CNTNAP2: variants seen among roughly 807,000 people sequenced by gnomAD.
CNTNAP2 encodes contactin-associated protein-like 2.
A neutral mutation model predicts 155.2 loss-of-function variants in CNTNAP2; 98 were observed. The observed-to-expected ratio is 0.63, with a 90% CI of 0.54 to 0.75. The LOEUF is 0.75. CNTNAP2 is among the 30% of genes least tolerant of loss of function. The probability of loss-of-function intolerance (pLI) is 0.00; values close to 1 mark genes in which losing one functional copy is unlikely to be tolerated. For missense variants in CNTNAP2, 1,727 were observed against 1,688.1 expected, an observed-to-expected ratio of 1.02 and a Z score of -0.40; for synonymous variants, 651 against 631.2, an observed-to-expected ratio of 1.03 and a Z score of -0.47.
chr7:147,029,441 A>G (rs1798985460), intron 3 of CNTNAP2, among the ~76,000 whole-genome samples: 2 of 152,318 alleles, frequency 1.3e-5, no homozygotes, highest in African/African-American at 4.8e-5. Context: ...TTAAGAGAGC[A>G]TGGAAGAGGA....
intron 3 of CNTNAP2, among the ~76,000 whole-genome samples, chr7:146,941,196 C>A (rs1352472149): frequency 6.6e-6 from 1 of 152,040 alleles, no homozygotes; most frequent in African/African-American, 2.4e-5. Flanking sequence ...TCTTCTCTTA[C>A]TGTCTTCTTT....
chr7:147,437,859 C>T (rs200875015), intron 10 of CNTNAP2, among the ~76,000 whole-genome samples: 1 of 151,992 alleles, frequency 6.6e-6, no homozygotes, highest in East Asian at 1.9e-4. Flanking sequence ...GTGTCCTATT[C>T]AATTTCTTTC....
chr7:148,184,596 T>C (rs1448473506), intron 18 of CNTNAP2, among the ~76,000 whole-genome samples: 2 of 152,238 alleles, frequency 1.3e-5, no homozygotes, highest in African/African-American at 4.8e-5. Flanking sequence ...AAAATGTCCT[T>C]TCACATCTTC....
chr7:147,617,210 C>T (rs969062739), intron 12 of CNTNAP2, among the ~76,000 whole-genome samples: 2 of 152,212 alleles, frequency 1.3e-5, no homozygotes, highest in African/African-American at 4.8e-5. Context: ...CACCAGCTTG[C>T]TCCACAGCTT....
chr7:146,229,063 A>G (rs1326858914), intron 1 of CNTNAP2, among the ~76,000 whole-genome samples: 1 of 152,226 alleles, frequency 6.6e-6, no homozygotes, highest in African/African-American at 2.4e-5. Context: ...AAAACTATAT[A>G]TCTTTCAGCA....
At chr7:147,729,562 C>CA (rs71183025) in intron 13 of CNTNAP2, among the ~76,000 whole-genome samples, 89,716 of 150,764 alleles carry the variant, frequency 0.6, 29,521 homozygotes, top group East Asian at 0.9. Context: ...TGCTTTGAGG[C>CA]AAAAAAAATA....
chr7:146,970,406 G>T (rs1218800879), intron 3 of CNTNAP2, among the ~76,000 whole-genome samples: 1 of 152,118 alleles, frequency 6.6e-6, no homozygotes, highest in African/African-American at 2.4e-5. Flanking sequence ...CAAAGGACAT[G>T]AACAGACACT....
intron 13 of CNTNAP2, among the ~76,000 whole-genome samples, chr7:147,856,991 G>T (rs1487135698): frequency 6.6e-6 from 1 of 152,134 alleles, no homozygotes; most frequent in Non-Finnish European, 1.5e-5. Flanking sequence ...GTGATGAAAG[G>T]CAGGAAAGGG....
At position 146,312,068 on chromosome 7, in the gene CNTNAP2, G is replaced by A. The variant is rs79175029; in HGVS notation, c.97+195095G>A. On this transcript the variant is annotated intron_variant, in intron 1 of 23. Transcript: ENST00000361727. The stretch of plus-strand genomic sequence containing the variant: ...TTCCCCACAACCCAACCTATCCAGC[G>A]TTTTTCTGGAAGAGGCTATTAGCAA... Among the ~76,000 whole-genome samples the A allele has an allele frequency of 1.4e-3, 209 of 152,142 alleles. 4 individuals are homozygous for A. The East Asian group carries it at 0.02, about 15-fold the overall frequency.
chr7:146,545,341 T>C (rs1196062992), intron 1 of CNTNAP2, among the ~76,000 whole-genome samples: 1 of 151,890 alleles, frequency 6.6e-6, no homozygotes, highest in Admixed American at 6.6e-5. Flanking sequence ...GATTTATTCA[T>C]AGTTTATTTT....
intron 21 of CNTNAP2, among the ~76,000 whole-genome samples, chr7:148,310,650 T>A (rs181581301): frequency 6.6e-6 from 1 of 152,070 alleles, no homozygotes; most frequent in Non-Finnish European, 1.5e-5. Flanking sequence ...TAAGGAAGAC[T>A]AGTGTGCATG....
intron 20 of CNTNAP2, among the ~76,000 whole-genome samples, chr7:148,234,712 T>A (rs138158583): frequency 6.6e-6 from 1 of 152,370 alleles, no homozygotes; most frequent in African/African-American, 2.4e-5. Context: ...AAGGCTGAGA[T>A]GATGCAGCTT....
At chr7:146,267,268 G>A (rs1000796738) in intron 1 of CNTNAP2, among the ~76,000 whole-genome samples, 2 of 152,018 alleles carry the variant, frequency 1.3e-5, no homozygotes, top group African/African-American at 4.8e-5. Context: ...AATTAATACT[G>A]TGAAGCGCTG....
At chr7:147,472,553 G>A (rs1200381379) in intron 10 of CNTNAP2, among the ~76,000 whole-genome samples, 3 of 152,052 alleles carry the variant, frequency 2.0e-5, no homozygotes, top group African/African-American at 7.2e-5. Flanking sequence ...TGAAAGATCA[G>A]TCTGCCATTT....
chr7:147,052,786 C>T (rs1563058682), intron 4 of CNTNAP2, among the ~76,000 whole-genome samples: 1 of 151,838 alleles, frequency 6.6e-6, no homozygotes, highest in Non-Finnish European at 1.5e-5. Flanking sequence ...ATAAATATCA[C>T]TGCCAAGTTA....
chr7:146,757,259 G>A (rs1357030606), intron 1 of CNTNAP2, among the ~76,000 whole-genome samples: 1 of 152,020 alleles, frequency 6.6e-6, no homozygotes, highest in Non-Finnish European at 1.5e-5. Context: ...GGAATGCAGT[G>A]TCATTATCTA....
In CNTNAP2 at chr7:146,659,602, T is replaced by A. The variant is rs114992845; in HGVS notation, c.98-114669T>A. ...CCTTAAAAATTTACAATTTTATGAT[T>A]CCCAAACCACTCATCTAAAAATAAC... On this transcript the variant is annotated intron_variant, in intron 1 of 23. Coordinates refer to ENST00000361727, the MANE Select transcript of CNTNAP2 (RefSeq NM_014141.6). Among the ~76,000 whole-genome samples, 331 of 152,296 alleles carry A rather than the reference T, an allele frequency of 2.2e-3. 3 individuals carry two copies. The highest frequency in any genetic ancestry group is 7.7e-3 in the African/African-American group (318 of 41,562).
intron 1 of CNTNAP2, among the ~76,000 whole-genome samples, chr7:146,516,659 C>A (rs1797546233): frequency 1.3e-5 from 2 of 151,680 alleles, no homozygotes; most frequent in Admixed American, 6.6e-5. Context: ...GCAACTAACC[C>A]CTGAAGAGAA....
chr7:148,063,384 C>T (rs752388759), intron 15 of CNTNAP2, among the ~76,000 whole-genome samples: 11 of 152,044 alleles, frequency 7.2e-5, no homozygotes, highest in Admixed American at 1.3e-4. Flanking sequence ...TTGGAAATTC[C>T]CATTATACAT....
Sources: allele counts gnomAD v4.1 joint callset (sites outside exome capture counted in the v4.1 genomes callset), GRCh38; gene constraint gnomAD v4.1.1; transcripts MANE v1.5; gene names NCBI Gene and HGNC (gene_info 2026-07-23, HGNC 2026-07-21).